Variants in CEP131 observed in about 807,000 individuals in gnomAD.
The protein encoded by CEP131 is centrosomal protein of 131 kDa.
A neutral mutation model predicts 136.8 loss-of-function variants in CEP131; 99 were observed. That is an observed-to-expected ratio of 0.72 (90% CI 0.62 to 0.86). The LOEUF (loss-of-function observed/expected upper bound fraction) is 0.86, where lower values mean the gene tolerates loss of function less well. Ranked by LOEUF, CEP131 falls within the 40% of genes least tolerant of loss-of-function variation. CEP131 has a pLI of 0.00. For missense variants in CEP131, 1,459 were observed against 1,463.0 expected (o/e 1.00, Z 0.04); for synonymous variants, 646 against 612.7 (o/e 1.05, Z -0.80).
chr17:81,200,141 G>A (rs1273469948), intron 8 of CEP131, 188 bp downstream of exon 8: 5 of 618,390 alleles, frequency 8.1e-6, no homozygotes, highest in Non-Finnish European at 1.4e-5. Flanking sequence ...CCCAGGCCCT[G>A]AGGACCGCCA....
intron 2 of CEP131, among the ~76,000 whole-genome samples, chr17:81,217,297 C>G (rs2062268830): frequency 6.6e-6 from 1 of 152,072 alleles, no homozygotes; most frequent in Non-Finnish European, 1.5e-5. Flanking sequence ...AATCCCGGGA[C>G]AGCAGGCCGT....
intron 2 of CEP131, among the ~76,000 whole-genome samples, chr17:81,216,870 G>A (rs959788704): frequency 2.2e-4 from 33 of 152,178 alleles, no homozygotes; most frequent in African/African-American, 6.3e-4. Context: ...GGTCAGTTTC[G>A]CAGCCTCCAA....
chr17:81,199,438 C>T lies in CEP131; in HGVS notation c.1135G>A (p.Glu379Lys), dbSNP rs2146566165. ...GTGCCGCCTGGTGTGGGGGACAGCTCCTGAGCAGGCTGCCGCATTCCTGGC... is the reference window on the plus strand; with the variant it reads ...GTGCCGCCTGGTGTGGGGGACAGCTTCTGAGCAGGCTGCCGCATTCCTGGC... Reference protein sequence around the residue: ...RVPGMRQPAQELSPTPGGTAH... With the variant: ...RVPGMRQPAQKLSPTPGGTAH... Residue 379 changes from glutamate to lysine, a missense_variant, in exon 10 of 26, where the codon GAG becomes AAG. By Grantham distance (56) the Glu-to-Lys change is moderately conservative (BLOSUM62 1). Coordinates refer to ENST00000450824, the MANE Select transcript of CEP131 (RefSeq NM_014984.4). The T allele has an allele frequency of 1.2e-6, 2 of 1,607,960 alleles. No individual in the cohort carries two copies. The highest frequency in any genetic ancestry group is 1.3e-5 in the African/African-American group (1 of 75,014).
In CEP131 at chr17:81,199,412, A is replaced by G; in HGVS notation, c.1161T>C (p.Thr387=). 1 of 1,606,060 alleles carries G rather than the reference A, an allele frequency of 6.2e-7. No individual in the cohort carries two copies. The highest frequency in any genetic ancestry group is 8.5e-7 in the Non-Finnish European group (1 of 1,177,516). Residue 387 remains threonine (T), a synonymous_variant, in exon 10 of 26, where the codon ACT becomes ACC. Coordinates refer to ENST00000450824, the MANE Select transcript of CEP131 (RefSeq NM_014984.4). The part of the protein sequence containing the change: ...AQELSPTPGG[T]AHQALKANNT... ...TGTTGGCCTTGAGGGCCTGGTGGGC[A>G]GTGCCGCCTGGTGTGGGGGACAGCT...
rs956488007 is a variant in CEP131, at chr17:81,208,562, G to A, written c.272+366C>T. On this transcript the variant is annotated intron_variant, in intron 3 of 25. Coordinates refer to ENST00000450824, the MANE Select transcript of CEP131 (RefSeq NM_014984.4). This position sits in a 1 kb window ranked among gnomAD's most constrained non-coding sequence, Gnocchi z 5.6. ...AAAGGTGGGAACAGGGGCGCACAGC[G>A]TGGGGGTTCAGAAGGGTCACAGTGC... Among the ~76,000 whole-genome samples, 11 of 152,236 alleles carry A rather than the reference G, an allele frequency of 7.2e-5. No individual in the cohort carries two copies. Among genetic ancestry groups the A allele is most frequent in the East Asian group, 3.9e-4 (2 of 5,194 alleles).
At chr17:81,210,638 G>T (rs2062111873) in intron 2 of CEP131, among the ~76,000 whole-genome samples, 1 of 152,102 alleles carries the variant, frequency 6.6e-6, no homozygotes, top group Non-Finnish European at 1.5e-5. Flanking sequence ...GTGGGAAACG[G>T]TCTGGGGAAC....
chr17:81,190,540 C>T (rs1244867424), intron 24 of CEP131, 99 bp downstream of exon 24: 3 of 1,390,470 alleles, frequency 2.2e-6, no homozygotes, highest in East Asian at 2.6e-5. Flanking sequence ...CATCTCCTGG[C>T]CTTCCTCAGC....
intron 2 of CEP131, 48 bp from the exon 3 acceptor site, chr17:81,209,070 C>G (rs997122563): frequency 2.9e-6 from 4 of 1,389,432 alleles, no homozygotes; most frequent in Non-Finnish European, 4.0e-6. Context: ...GGCTCACTCA[C>G]CAGTTTGCTC....
chr17:81,192,900 C>T (rs1445931235), intron 18 of CEP131, 57 bp from the exon 19 acceptor site: 18 of 1,557,954 alleles, frequency 1.2e-5, no homozygotes, highest in Non-Finnish European at 1.4e-5. Flanking sequence ...CCAGGACCCA[C>T]CCACCGCAGG....
chr17:81,206,680 C>A lies in CEP131; in HGVS notation c.515+64G>T, dbSNP rs750959174. 133 of 1,536,792 alleles carry A rather than the reference C, an allele frequency of 8.7e-5. No individual in the cohort carries two copies. In the Middle Eastern group the frequency reaches 1.7e-3, roughly 20 times the overall value. ...ACGAGCCATAAACAAGACAAAGACA[C>A]ACACAGTCTCCACTCCAGGAGCTTC... On this transcript the variant is annotated intron_variant, in intron 5 of 25. Transcript: ENST00000450824.
intron 1 of CEP131, among the ~76,000 whole-genome samples, chr17:81,220,753 G>A (rs917089063): frequency 3.3e-5 from 5 of 151,972 alleles, no homozygotes; most frequent in African/African-American, 1.2e-4. Context: ...CGCCTGCCTC[G>A]GCCTCCCAAA....
In CEP131 at chr17:81,196,689, C is replaced by T. The variant is rs367947139; in HGVS notation, c.1899+12G>A. 120 of 1,599,506 alleles carry T rather than the reference C, an allele frequency of 7.5e-5. No homozygotes were observed. Among genetic ancestry groups the T allele is most frequent in the South Asian group, 3.2e-4 (29 of 89,440 alleles). ...GCTGGGTCCGGGCCTCTGCGCTCCC[C>T]GGGCCGCTCACCTGGTCAATGAAGG... On this transcript the variant is annotated intron_variant, in intron 15 of 25. Transcript: ENST00000450824.
At position 81,198,191 on chromosome 17, in the gene CEP131, T is replaced by G. The variant is rs748508376; in HGVS notation, c.1394A>C (p.Gln465Pro). ...GPLEELLHTL[Q>P]LLEKEPDVLP... ...CACGTCCGGCTCCTTCTCCAGCAGC[T>G]GCAGTGTGTGCAGCAGCTCCTCCAG... The change falls in exon 12 of 26, where the codon CAG becomes CCG. Residue 465 changes from glutamine (Q) to proline (P), a missense_variant. This residue lies in a region of CEP131 where 1,026 missense variants were observed against 964.2 expected (regional missense o/e 1.06). Coordinates refer to ENST00000450824, the MANE Select transcript of CEP131 (RefSeq NM_014984.4). 1 of 1,587,384 alleles carries G rather than the reference T, an allele frequency of 6.3e-7. No individual in the cohort carries two copies.
chr17:81,199,346 C>G (rs372992425), intron 10 of CEP131, 35 bp downstream of exon 10: 24 of 1,557,936 alleles, frequency 1.5e-5, no homozygotes, highest in Non-Finnish European at 2.1e-5. Context: ...TGCAGTCCAC[C>G]CCCCAGAGCA....
chr17:81,199,049 G>A, intron 10 of CEP131, 78 bp from the exon 11 acceptor site: 3 of 1,364,256 alleles, frequency 2.2e-6, no homozygotes, highest in Non-Finnish European at 2.9e-6. Context: ...CCCCGGGAAG[G>A]AGCCAGGCAT....
intron 15 of CEP131, among the ~76,000 whole-genome samples, chr17:81,196,408 C>G (rs1248482770): frequency 1.3e-5 from 2 of 152,240 alleles, no homozygotes; most frequent in East Asian, 3.8e-4. Flanking sequence ...CCCAGACCAA[C>G]TCTAGGTCTC....
chr17:81,194,235 C>T, intron 17 of CEP131, 108 bp from the exon 18 acceptor site: 1 of 1,046,762 alleles, frequency 9.6e-7, no homozygotes, highest in Non-Finnish European at 1.3e-6. Context: ...CCCCGCCCAC[C>T]CAGGGCCTCC....
intron 2 of CEP131, among the ~76,000 whole-genome samples, 187 bp from the exon 3 acceptor site, chr17:81,209,209 C>A (rs1169790291): frequency 5.3e-5 from 8 of 152,244 alleles, no homozygotes; most frequent in African/African-American, 1.9e-4. Flanking sequence ...CAGGGCAGCG[C>A]GAGGGGGGCT....
Position 81,190,897 on chromosome 17 carries a change from GC to G in CEP131, c.2943+9del. The G allele has an allele frequency of 6.3e-7, 1 of 1,598,970 alleles. No individual in the cohort carries two copies. Among genetic ancestry groups the G allele is most frequent in the Non-Finnish European group, 8.5e-7 (1 of 1,174,622 alleles). On this transcript the variant is annotated intron_variant, in intron 23 of 25. Coordinates refer to ENST00000450824, the MANE Select transcript of CEP131 (RefSeq NM_014984.4). ...GGTGCCCACTGCCCACCTGACACCC[GC>G]CCACTCACCGCCTGCGCATCCTCCA...
Sources: allele counts gnomAD v4.1 joint callset (sites outside exome capture counted in the v4.1 genomes callset), GRCh38; gene constraint gnomAD v4.1.1; regional missense constraint gnomAD v4.1.1; non-coding constraint Gnocchi (gnomAD v3.1); transcripts MANE v1.5; gene names NCBI Gene and HGNC (gene_info 2026-07-23, HGNC 2026-07-21).